GPLD1: variants seen among roughly 807,000 people sequenced by gnomAD.
The protein encoded by GPLD1 is glycosylphosphatidylinositol specific phospholipase D1.
GPLD1 carries 84 observed loss-of-function variants against 112.6 expected under a neutral mutation model. The ratio of observed to expected loss-of-function variants is 0.75; its 90% confidence interval spans 0.63 to 0.89. The LOEUF is 0.89. GPLD1 is among the 40% of genes least tolerant of loss of function. The probability of loss-of-function intolerance (pLI) is 0.00; values close to 1 mark genes in which losing one functional copy is unlikely to be tolerated. For missense variants in GPLD1, 1,044 were observed against 1,051.5 expected (o/e 0.99, Z 0.10); for synonymous variants, 386 against 403.8 (o/e 0.96, Z 0.53).
rs149589775 is a variant in GPLD1, at chr6:24,436,652, T to C, written c.2282A>G (p.Tyr761Cys). 5 of 1,613,900 alleles carry C rather than the reference T, an allele frequency of 3.1e-6. No homozygotes were observed. The African/African-American group carries it at 4.0e-5, about 13-fold the overall frequency. The change falls in exon 22 of 25, where the codon TAT becomes TGT. Residue 761 changes from tyrosine to cysteine, a missense_variant. Coordinates refer to ENST00000230036, the MANE Select transcript of GPLD1 (RefSeq NM_001503.4). ...IGGEDGRVYV[Y>C]NGKETTLGDM... ...ACCAAGGGTGGTCTCTTTGCCATTA[T>C]ATACATATACTCGGCCGTCTTCTCC...
In GPLD1 at chr6:24,426,468, C is replaced by T. The variant is rs1330303089; in HGVS notation, c.*2564G>A. Among the ~76,000 whole-genome samples the T allele has an allele frequency of 1.6e-5, 2 of 122,050 alleles. No homozygotes were observed. The highest frequency in any genetic ancestry group is 3.5e-5 in the Non-Finnish European group (2 of 57,684). The allele number at this position is 122,050 out of a possible 152,430, so 80.1% of individuals were successfully genotyped here. A position where few individuals can be genotyped will look rare whatever the true frequency, so the allele number is the denominator to read the frequency against. On this transcript the variant is annotated 3_prime_UTR_variant, in exon 25 of 25. Transcript: ENST00000230036. The stretch of plus-strand genomic sequence containing the variant: ...ATTGGGGTTAGTATGGTTAAATGTC[C>T]TATAAACTTGAAGCTTGCTTCCATT...
rs1248258256 is a variant in GPLD1, at chr6:24,427,887, C to T, written c.*1145G>A. Among the ~76,000 whole-genome samples, 1 of 137,110 alleles carries T rather than the reference C, an allele frequency of 7.3e-6. No individual in the cohort carries two copies. Among genetic ancestry groups the T allele is most frequent in the Non-Finnish European group, 1.6e-5 (1 of 63,066 alleles). 89.9% of individuals were successfully genotyped at this position (137,110 alleles called of 152,430 possible). Reference sequence around the variant, plus strand: ...AAAAAGGACTATCATCCTTAGCAAACTAACACACGACCAGGAACAGAAAAC... The same window carrying T: ...AAAAAGGACTATCATCCTTAGCAAATTAACACACGACCAGGAACAGAAAAC... On this transcript the variant is annotated 3_prime_UTR_variant, in exon 25 of 25. Transcript: ENST00000230036.
intron 24 of GPLD1, among the ~76,000 whole-genome samples, chr6:24,431,144 C>G (rs1409847637): frequency 1.3e-5 from 2 of 152,076 alleles, no homozygotes; most frequent in Non-Finnish European, 1.5e-5. Flanking sequence ...TGTGGTTAAT[C>G]CTACATTTTT....
intron 21 of GPLD1, 21 bp downstream of exon 21, chr6:24,437,092 A>T: frequency 6.2e-7 from 1 of 1,608,016 alleles, no homozygotes; most frequent in South Asian, 1.1e-5. Flanking sequence ...TTCTTGTCAA[A>T]GGGTCCTGTT....
chr6:24,467,111 G>A (rs1332515254), intron 8 of GPLD1, 56 bp downstream of exon 8: 2 of 1,174,982 alleles, frequency 1.7e-6, no homozygotes, highest in Non-Finnish European at 2.6e-6. Context: ...CATAAAAACT[G>A]TGCAAAGGAA....
intron 22 of GPLD1, 64 bp from the exon 23 acceptor site, chr6:24,433,453 T>C: frequency 8.9e-7 from 1 of 1,127,666 alleles, no homozygotes; most frequent in South Asian, 1.3e-5. Context: ...TTAAAATCAA[T>C]TTTAATTATA....
chr6:24,488,948 T>C (rs1281780190), intron 1 of GPLD1, among the ~76,000 whole-genome samples: 1 of 152,124 alleles, frequency 6.6e-6, no homozygotes, highest in African/African-American at 2.4e-5. Context: ...GCCAAGCACT[T>C]TTACAGCAAT....
chr6:24,481,327 T>C lies in GPLD1; in HGVS notation c.154-1368A>G, dbSNP rs564457855. 1.4e-3 allele frequency among the ~76,000 whole-genome samples: 209 copies of C among 150,848 alleles called. 1 individual carries two copies. The highest frequency in any genetic ancestry group is 5.1e-3 in the African/African-American group (207 of 40,272). Reference sequence around the variant, plus strand: ...TGGACACACTGGGCAAAGTAAAAGTTTGGCAATATCCCGCCCTTTTTTTTT... The same window carrying C: ...TGGACACACTGGGCAAAGTAAAAGTCTGGCAATATCCCGCCCTTTTTTTTT... On this transcript the variant is annotated intron_variant, in intron 2 of 24. Transcript: ENST00000230036.
At position 24,468,630 on chromosome 6, in the gene GPLD1, C is replaced by T. The variant is rs368058290; in HGVS notation, c.546-1356G>A. ...GTGCAGTGGTGCGATATCGGTTCACCGCAACCTCCGCCTTCCAAGTTCAAG... is the reference window on the plus strand; with the variant it reads ...GTGCAGTGGTGCGATATCGGTTCACTGCAACCTCCGCCTTCCAAGTTCAAG... On this transcript the variant is annotated intron_variant, in intron 7 of 24. Coordinates refer to ENST00000230036, the MANE Select transcript of GPLD1 (RefSeq NM_001503.4). Among the ~76,000 whole-genome samples, 97 of 151,790 alleles carry T rather than the reference C, an allele frequency of 6.4e-4. 1 individual carries two copies. The highest frequency in any genetic ancestry group is 1.8e-3 in the African/African-American group (73 of 41,382).
Position 24,460,471 on chromosome 6 carries a change from T to C in GPLD1, c.888-72A>G, listed in dbSNP as rs576643809. On this transcript the variant is annotated intron_variant, in intron 11 of 24. Transcript: ENST00000230036. ...CCCCCTGTAAAACTGAGTTGAAGAA[T>C]ATAGTCAAGTTAATCACAGGTTAAA... 1.2e-5 allele frequency: 18 copies of C among 1,521,572 alleles called. No homozygotes were observed. In the African/African-American group the frequency reaches 1.8e-4, roughly 15 times the overall value. 94.3% of individuals were successfully genotyped at this position (1,521,572 alleles called of 1,614,324 possible). A position where few individuals can be genotyped will look rare whatever the true frequency, so the allele number is the denominator to read the frequency against.
intron 24 of GPLD1, among the ~76,000 whole-genome samples, chr6:24,431,978 G>A (rs1328490354): frequency 6.6e-6 from 1 of 152,050 alleles, no homozygotes; most frequent in Non-Finnish European, 1.5e-5. Context: ...TGCTCACTAT[G>A]GCCTTGTCTG....
chr6:24,484,939 A>G (rs1764321245), intron 2 of GPLD1, among the ~76,000 whole-genome samples: 1 of 152,222 alleles, frequency 6.6e-6, no homozygotes. Context: ...GGGAATGCTA[A>G]CCACTTATCA....
chr6:24,443,970 C>T lies in GPLD1; in HGVS notation c.2020+1576G>A, dbSNP rs142811930. ...ATTACAGGCGTGAGCCACTGCACCC[C>T]GCCTGTCTGACCCACTTCTGCTTAT... On this transcript the variant is annotated intron_variant, in intron 20 of 24. Coordinates refer to ENST00000230036, the MANE Select transcript of GPLD1 (RefSeq NM_001503.4). Among the ~76,000 whole-genome samples the T allele has an allele frequency of 4.7e-3, 713 of 152,198 alleles. 9 individuals are homozygous for T. The highest frequency in any genetic ancestry group is 0.017 in the Middle Eastern group (5 of 294).
In GPLD1 at chr6:24,463,595, G is replaced by A. The variant is rs74666670; in HGVS notation, c.822-800C>T. Among the ~76,000 whole-genome samples, 548 of 152,280 alleles carry A rather than the reference G, an allele frequency of 3.6e-3. 2 individuals are homozygous for A. The highest frequency in any genetic ancestry group is 0.012 in the African/African-American group (509 of 41,546). ...TCTTGTCCACCACAGGACACAAAAG[G>A]CAGCCTTACAGCATTAGCACTATAC... On this transcript the variant is annotated intron_variant, in intron 10 of 24. Coordinates refer to ENST00000230036, the MANE Select transcript of GPLD1 (RefSeq NM_001503.4).
chr6:24,485,355 T>C (rs116153503), intron 2 of GPLD1, among the ~76,000 whole-genome samples: 11,918 of 152,142 alleles, frequency 0.078, 1,335 homozygotes, highest in African/African-American at 0.25. Context: ...TTGGGCAACA[T>C]AGCGAGACCC....
chr6:24,437,060 C>A (rs1762601443), intron 21 of GPLD1, 53 bp downstream of exon 21: 1 of 1,515,450 alleles, frequency 6.6e-7, no homozygotes, highest in African/African-American at 1.4e-5. Flanking sequence ...AGGGGACCCA[C>A]CCCCTGGGCA....
At chr6:24,474,163 C>A (rs532816641) in intron 5 of GPLD1, among the ~76,000 whole-genome samples, 2 of 100,018 alleles carry the variant, frequency 2.0e-5, no homozygotes, top group South Asian at 3.4e-4. Context: ...ACAAAAAAAA[C>A]CACACCCACA....
intron 12 of GPLD1, among the ~76,000 whole-genome samples, chr6:24,460,071 T>G (rs1036361339): frequency 1.3e-5 from 2 of 152,166 alleles, no homozygotes; most frequent in African/African-American, 4.8e-5. Context: ...CTAATTTATT[T>G]ATTTTTTATA....
At chr6:24,467,081 C>T in intron 8 of GPLD1, 86 bp downstream of exon 8, 3 of 1,113,626 alleles carry the variant, frequency 2.7e-6, no homozygotes, top group Non-Finnish European at 4.1e-6. Flanking sequence ...AATCCAAAAT[C>T]CAGTCTCAGG....
Sources: gnomAD v4.1 joint callset for allele counts (sites outside exome capture counted in the v4.1 genomes callset) on GRCh38, gnomAD v4.1.1 for gene constraint, MANE v1.5 for transcripts, NCBI Gene and HGNC (gene_info 2026-07-23, HGNC 2026-07-21) for gene names.